Variants in SYT10 observed in about 807,000 individuals in gnomAD.
SYT10 encodes synaptotagmin-10.
A neutral mutation model predicts 51.1 loss-of-function variants in SYT10; 31 were observed. That is an observed-to-expected ratio of 0.61 (90% CI 0.46 to 0.82). The LOEUF is 0.82. SYT10 is among the 40% of genes least tolerant of loss of function. The probability of loss-of-function intolerance (pLI) is 0.00; values close to 1 mark genes in which losing one functional copy is unlikely to be tolerated. For synonymous variants in SYT10, 233 were observed against 225.9 expected (o/e 1.03, Z -0.28); for missense variants, 603 against 634.0 (o/e 0.95, Z 0.53).
rs1355220978 is a variant in SYT10, at chr12:33,390,449, G to A, written c.1078-5158C>T. Among the ~76,000 whole-genome samples, 4 of 152,244 alleles carry A rather than the reference G, an allele frequency of 2.6e-5. No homozygotes were observed. The East Asian group carries it at 7.7e-4, about 29-fold the overall frequency. On this transcript the variant is annotated intron_variant, in intron 3 of 6. Coordinates refer to ENST00000228567, the MANE Select transcript of SYT10 (RefSeq NM_198992.4). ...GGTGGACACGCAGGATATACAATATGAAGTCCCAACTATTTGACATGACAC... is the reference window on the plus strand; with the variant it reads ...GGTGGACACGCAGGATATACAATATAAAGTCCCAACTATTTGACATGACAC...
chr12:33,408,973 C>T (rs12309886), intron 2 of SYT10, among the ~76,000 whole-genome samples: 1,952 of 152,036 alleles, frequency 0.013, 38 homozygotes, highest in African/African-American at 0.044. Context: ...TTTTCCATTG[C>T]TGTGGAGTCC....
At chr12:33,426,812 A>T (rs1866557296) in intron 1 of SYT10, among the ~76,000 whole-genome samples, 1 of 152,228 alleles carries the variant, frequency 6.6e-6, no homozygotes, top group Non-Finnish European at 1.5e-5. Context: ...ACCTGCCATG[A>T]AGCCATGAGG....
intron 3 of SYT10, among the ~76,000 whole-genome samples, chr12:33,392,734 A>G (rs542664922): frequency 1.3e-5 from 2 of 152,082 alleles, no homozygotes; most frequent in South Asian, 4.2e-4. Flanking sequence ...TGGCCATGGC[A>G]CTAAATCCAG....
rs540221137 is a variant in SYT10 at position 33,439,335 on chromosome 12, C to G, written c.151+37G>C. 1.0e-4 allele frequency: 160 copies of G among 1,590,766 alleles called. No individual in the cohort carries two copies. In the Admixed American group the frequency reaches 2.7e-3, roughly 27 times the overall value. On this transcript the variant is annotated intron_variant, in intron 1 of 6. Coordinates refer to ENST00000228567, the MANE Select transcript of SYT10 (RefSeq NM_198992.4). ...TGCAGCCTAGCGCGCGGGGTCCCAG[C>G]GGAGCGCGAGGACGCGAGCGGAGCC...
chr12:33,407,596 G>GTT (rs1040452105), intron 2 of SYT10, among the ~76,000 whole-genome samples: 1 of 152,066 alleles, frequency 6.6e-6, no homozygotes, highest in African/African-American at 2.4e-5. Context: ...CTTTTTGTTT[G>GTT]TTTGTTTTGT....
In SYT10 at chr12:33,379,844, G is replaced by C. The variant is rs1866098146; in HGVS notation, c.1488C>G (p.His496Gln). ...CTCACAAGCTTACCTCCAGCAATGGGTGCCAGTGCGTTATTGGTTTTCGAT... is the reference window on the plus strand; with the variant it reads ...CTCACAAGCTTACCTCCAGCAATGGCTGCCAGTGCGTTATTGGTTTTCGAT... ...AYHRKPITHW[H>Q]PLLELPGRAT... Residue 496 changes from histidine (H) to glutamine (Q), a missense_variant, in exon 6 of 7, where the codon CAC becomes CAG. By Grantham distance (24) the His-to-Gln change is conservative (BLOSUM62 0). Coordinates refer to ENST00000228567, the MANE Select transcript of SYT10 (RefSeq NM_198992.4). The C allele has an allele frequency of 6.2e-7, 1 of 1,613,686 alleles. No individual in the cohort carries two copies. The highest frequency in any genetic ancestry group is 1.7e-5 in the Admixed American group (1 of 59,964).
At chr12:33,395,236 GA>G (rs976707189) in intron 3 of SYT10, among the ~76,000 whole-genome samples, 4 of 152,192 alleles carry the variant, frequency 2.6e-5, no homozygotes, top group Non-Finnish European at 5.9e-5. Flanking sequence ...TTAGAAATTA[GA>G]AAATCAGATA....
At chr12:33,430,444 T>C (rs1347133381) in intron 1 of SYT10, among the ~76,000 whole-genome samples, 1 of 152,162 alleles carries the variant, frequency 6.6e-6, no homozygotes, top group Non-Finnish European at 1.5e-5. Context: ...AACTTATAAA[T>C]ACTGCTAGGT....
chr12:33,414,052 G>A (rs1866432265), intron 2 of SYT10, among the ~76,000 whole-genome samples: 1 of 151,914 alleles, frequency 6.6e-6, no homozygotes, highest in Non-Finnish European at 1.5e-5. Context: ...TGATAAAACA[G>A]ACTTTAAACC....
At position 33,426,470 on chromosome 12, in the gene SYT10, G is replaced by A. The variant is rs772937480; in HGVS notation, c.177C>T (p.Val59=). Reference sequence around the variant, plus strand: ...AGGCCAGTCCACAAAAGCTGACAACGACAGCTAACAGGCTGACTGAAATAT... The same window carrying A: ...AGGCCAGTCCACAAAAGCTGACAACAACAGCTAACAGGCTGACTGAAATAT... ...STDISVSLLA[V]VVSFCGLALL... is the part of the protein sequence containing the mutation. Residue 59 remains valine (V), a synonymous_variant, in exon 2 of 7, where the codon GTC becomes GTT. Transcript: ENST00000228567. 1.8e-5 allele frequency: 29 copies of A among 1,600,002 alleles called. No individual in the cohort carries two copies. The highest frequency in any genetic ancestry group is 4.5e-5 in the East Asian group (2 of 44,724).
chr12:33,407,357 C>T lies in SYT10; in HGVS notation c.510-1G>A. 6.2e-7 allele frequency: 1 copy of T among 1,601,654 alleles called. No homozygotes were observed. The highest frequency in any genetic ancestry group is 8.5e-7 in the Non-Finnish European group (1 of 1,179,648). On this transcript the variant is annotated splice_acceptor_variant, in intron 2 of 6. Coordinates refer to ENST00000228567, the MANE Select transcript of SYT10 (RefSeq NM_198992.4). LOFTEE classifies it high-confidence loss of function. ...CAGGTGTCTTCGGAAGGAACTGTGG[C>T]TGAACACACACACATATACACAAAA...
intron 2 of SYT10, among the ~76,000 whole-genome samples, chr12:33,417,229 G>A (rs1866462087): frequency 6.6e-6 from 1 of 152,124 alleles, no homozygotes; most frequent in Non-Finnish European, 1.5e-5. Context: ...AGGGCATAAG[G>A]GCTCTGCCTC....
intron 2 of SYT10, among the ~76,000 whole-genome samples, chr12:33,414,094 T>C (rs1337061495): frequency 4.6e-5 from 7 of 152,018 alleles, no homozygotes; most frequent in Non-Finnish European, 8.8e-5. Context: ...AGAAGGCCAT[T>C]ACATAATGGT....
chr12:33,437,287 G>A (rs1180799886), intron 1 of SYT10, among the ~76,000 whole-genome samples: 1 of 152,066 alleles, frequency 6.6e-6, no homozygotes, highest in Non-Finnish European at 1.5e-5. Flanking sequence ...ATATTATGTA[G>A]TCTATTTTGC....
chr12:33,417,544 C>A (rs1215552357), intron 2 of SYT10, among the ~76,000 whole-genome samples: 1 of 152,152 alleles, frequency 6.6e-6, no homozygotes, highest in Non-Finnish European at 1.5e-5. Flanking sequence ...CTGCTATGAG[C>A]AACAGAAAAT....
intron 3 of SYT10, among the ~76,000 whole-genome samples, chr12:33,402,895 A>G (rs1866318506): frequency 6.6e-6 from 1 of 152,152 alleles, no homozygotes; most frequent in African/African-American, 2.4e-5. Context: ...ATTATGAGAT[A>G]TAATTATATA....
chr12:33,408,910 A>G (rs1866381791), intron 2 of SYT10, among the ~76,000 whole-genome samples: 1 of 152,136 alleles, frequency 6.6e-6, no homozygotes, highest in South Asian at 2.1e-4. Flanking sequence ...TCAGTTTTCT[A>G]AATCCTGTTG....
intron 3 of SYT10, among the ~76,000 whole-genome samples, chr12:33,389,576 A>G (rs1345683093): frequency 6.6e-6 from 1 of 152,318 alleles, no homozygotes; most frequent in East Asian, 1.9e-4. Context: ...GTGTGGGAAG[A>G]TGTTGGCTGA....
intron 1 of SYT10, among the ~76,000 whole-genome samples, chr12:33,431,785 C>T (rs1247427089): frequency 6.6e-6 from 1 of 152,118 alleles, no homozygotes; most frequent in Non-Finnish European, 1.5e-5. Context: ...TGAAGCACAT[C>T]CTTCAACCTT....
Sources: allele counts gnomAD v4.1 joint callset (sites outside exome capture counted in the v4.1 genomes callset), GRCh38; gene constraint gnomAD v4.1.1; transcripts MANE v1.5; gene names NCBI Gene and HGNC (gene_info 2026-07-23, HGNC 2026-07-21).